FRAS1: variants seen among roughly 807,000 people sequenced by gnomAD.
The protein encoded by FRAS1 is extracellular matrix organizing protein FRAS1.
In FRAS1, 290 loss-of-function variants were observed where a neutral mutation model predicts 435.2. The observed-to-expected ratio is 0.67, with a 90% CI of 0.61 to 0.73. The LOEUF is 0.73. Among genes scored for constraint, FRAS1 ranks in the 30% least tolerant of loss-of-function variants. FRAS1 has a pLI of 0.00. For missense variants in FRAS1, 4,860 were observed against 5,001.5 expected, an observed-to-expected ratio of 0.97 and a Z score of 0.85; for synonymous variants, 1,800 against 1,851.0, an observed-to-expected ratio of 0.97 and a Z score of 0.71.
intron 22 of FRAS1, among the ~76,000 whole-genome samples, chr4:78,366,815 A>G (rs1731292454): frequency 6.6e-6 from 1 of 152,148 alleles, no homozygotes; most frequent in African/African-American, 2.4e-5. Flanking sequence ...AGTACTAGTA[A>G]GTACTTTGTG....
chr4:78,489,190 A>T, intron 59 of FRAS1, 110 bp downstream of exon 59: 2 of 1,000,364 alleles, frequency 2.0e-6, no homozygotes, highest in Non-Finnish European at 2.9e-6. Context: ...TGTATACTAC[A>T]GGTGACCCTT....
chr4:78,491,796 G>T (rs1720360311), intron 59 of FRAS1, among the ~76,000 whole-genome samples: 1 of 152,168 alleles, frequency 6.6e-6, no homozygotes, highest in African/African-American at 2.4e-5. Flanking sequence ...TAAACGTTCT[G>T]GCTAGGGCAA....
chr4:78,146,567 A>G (rs1720430568), intron 2 of FRAS1, among the ~76,000 whole-genome samples: 2 of 152,160 alleles, frequency 1.3e-5, no homozygotes, highest in South Asian at 4.1e-4. Flanking sequence ...TCCATTCTCT[A>G]GCTTCAACAA....
At chr4:78,446,369 C>G (rs1718830119) in intron 42 of FRAS1, 17 of 1,071,372 alleles carry the variant, frequency 1.6e-5, no homozygotes, top group Non-Finnish European at 1.9e-5. Context: ...TTAGCATTTT[C>G]TAAGAGAGTT....
At chr4:78,374,369 G>T in intron 25 of FRAS1, 118 bp downstream of exon 25, 1 of 1,033,442 alleles carries the variant, frequency 9.7e-7, no homozygotes. Flanking sequence ...AAGCCCAGAG[G>T]GCTTAGCCTA....
intron 27 of FRAS1, 102 bp downstream of exon 27, chr4:78,380,098 T>C (rs1264255125): frequency 2.3e-6 from 3 of 1,305,788 alleles, no homozygotes; most frequent in Non-Finnish European, 3.2e-6. Context: ...CTAACCCTTC[T>C]CATCTGGGGA....
In FRAS1 at chr4:78,108,551, C is replaced by T. The variant is rs1223122679; in HGVS notation, c.108+42535C>T. Among the ~76,000 whole-genome samples, 35 of 102,312 alleles carry T rather than the reference C, an allele frequency of 3.4e-4. 4 individuals are homozygous for T. Among genetic ancestry groups the T allele is most frequent in the Admixed American group, 3.4e-4 (3 of 8,848 alleles). 67.1% of individuals were successfully genotyped at this position (102,312 alleles called of 152,430 possible). A position where few individuals can be genotyped will look rare whatever the true frequency, so the allele number is the denominator to read the frequency against. ...AAATAAAGATGTTCTTTGAAACCAA[C>T]GAGAACAAAGACACCACATGCCAGA... is the stretch of plus-strand genomic sequence containing the variant. On this transcript the variant is annotated intron_variant, in intron 2 of 73. Coordinates refer to ENST00000512123, the MANE Select transcript of FRAS1 (RefSeq NM_025074.7).
rs190147162 is a variant in FRAS1, at chr4:78,508,993, G to A, written c.9767G>A (p.Ser3256Asn). ...ETITDNTPFT[S>N]VNHMVLDSIY... ...ATCACTGACAACACACCATTCACCA[G>A]TGTCAACCACATGGTAGGTCTGGGG... The change falls in exon 63 of 74, where the codon AGT becomes AAT. Residue 3256 changes from serine (S) to asparagine (N), a missense_variant. By Grantham distance (46) the Ser-to-Asn change is conservative (BLOSUM62 1). Coordinates refer to ENST00000512123, the MANE Select transcript of FRAS1 (RefSeq NM_025074.7). The A allele has an allele frequency of 2.4e-5, 39 of 1,613,986 alleles. No individual in the cohort carries two copies. In the East Asian group the frequency reaches 2.7e-4, roughly 11 times the overall value.
At chr4:78,514,869 C>A (rs1456899476) in intron 65 of FRAS1, among the ~76,000 whole-genome samples, 7 of 151,852 alleles carry the variant, frequency 4.6e-5, no homozygotes, top group Non-Finnish European at 1.0e-4. Flanking sequence ...GAGTTTGAGA[C>A]CAGCCTGGGG....
chr4:78,233,566 G>A (rs556779688), intron 2 of FRAS1, among the ~76,000 whole-genome samples: 8 of 152,194 alleles, frequency 5.3e-5, no homozygotes, highest in South Asian at 4.2e-4. Flanking sequence ...TAAAACATTC[G>A]GATTAAAAAT....
intron 63 of FRAS1, among the ~76,000 whole-genome samples, chr4:78,510,932 T>C (rs1721015890): frequency 6.6e-6 from 1 of 152,210 alleles, no homozygotes; most frequent in Non-Finnish European, 1.5e-5. Flanking sequence ...CCAACCAGTC[T>C]TGCTAGAAGC....
At chr4:78,224,208 A>C (rs974624112) in intron 2 of FRAS1, among the ~76,000 whole-genome samples, 1 of 152,192 alleles carries the variant, frequency 6.6e-6, no homozygotes, top group Non-Finnish European at 1.5e-5. Flanking sequence ...AAACTGGTGA[A>C]AGCTGTTCTT....
In FRAS1 at chr4:78,489,096, G is replaced by A. The variant is rs766687793; in HGVS notation, c.8958+16G>A. On this transcript the variant is annotated intron_variant, in intron 59 of 73. Coordinates refer to ENST00000512123, the MANE Select transcript of FRAS1 (RefSeq NM_025074.7). ...AGGGGACAAAGTAAGTGGATTGGTGGTGGCTGAAAGATGAGATTCTCTTAT... is the reference window on the plus strand; with the variant it reads ...AGGGGACAAAGTAAGTGGATTGGTGATGGCTGAAAGATGAGATTCTCTTAT... The A allele has an allele frequency of 3.8e-6, 6 of 1,599,336 alleles. No homozygotes were observed. The African/African-American group carries it at 8.0e-5, about 21-fold the overall frequency.
At chr4:78,507,026 G>C (rs567810859) in intron 61 of FRAS1, among the ~76,000 whole-genome samples, 46 of 152,284 alleles carry the variant, frequency 3.0e-4, no homozygotes, top group African/African-American at 1.1e-3. Context: ...AAGGATATCT[G>C]TATGTGCAAG....
intron 2 of FRAS1, among the ~76,000 whole-genome samples, chr4:78,191,788 G>A (rs149727940): frequency 2.6e-5 from 4 of 151,844 alleles, no homozygotes; most frequent in East Asian, 3.9e-4. Context: ...GAGAACATGC[G>A]GTATTTGGTT....
intron 2 of FRAS1, among the ~76,000 whole-genome samples, chr4:78,184,084 C>T (rs943384026): frequency 5.9e-5 from 9 of 152,296 alleles, no homozygotes; most frequent in South Asian, 2.1e-4. Context: ...TGATTGTGCA[C>T]ACACTAGAGT....
At position 78,477,874 on chromosome 4, in the gene FRAS1, C is replaced by T. The variant is rs924582634; in HGVS notation, c.7911C>T (p.Asp2637=). 46 of 1,613,300 alleles carry T rather than the reference C, an allele frequency of 2.9e-5. No homozygotes were observed. Among genetic ancestry groups the T allele is most frequent in the Admixed American group, 8.3e-5 (5 of 59,946 alleles). Reference sequence around the variant, plus strand: ...GCACCATTGTCATCAACGATGATGACGTGTTTGAAAATGTTGAGAGTTTCA... The same window carrying T: ...GCACCATTGTCATCAACGATGATGATGTGTTTGAAAATGTTGAGAGTTTCA... ...KSCTIVINDD[D]VFENVESFTV... Residue 2637 remains aspartate, a synonymous_variant, in exon 55 of 74, where the codon GAC becomes GAT. Transcript: ENST00000512123.
At chr4:78,175,307 C>T (rs535712572) in intron 2 of FRAS1, among the ~76,000 whole-genome samples, 2 of 152,302 alleles carry the variant, frequency 1.3e-5, no homozygotes, top group South Asian at 2.1e-4. Context: ...CTGTTCTTTT[C>T]TTGGTCAGAC....
At chr4:78,451,449 A>G (rs1423505624) in intron 45 of FRAS1, among the ~76,000 whole-genome samples, 1 of 152,190 alleles carries the variant, frequency 6.6e-6, no homozygotes, top group African/African-American at 2.4e-5. Flanking sequence ...GCACATTTAC[A>G]CATGGGCAGT....
Sources: gnomAD v4.1 joint callset for allele counts (sites outside exome capture counted in the v4.1 genomes callset) on GRCh38, gnomAD v4.1.1 for gene constraint, MANE v1.5 for transcripts, NCBI Gene and HGNC (gene_info 2026-07-23, HGNC 2026-07-21) for gene names.